The following EP400 variants were observed in gnomAD, a reference collection of about 807,000 sequenced individuals.
The protein encoded by EP400 is E1A-binding protein p400.
In EP400, 105 loss-of-function variants were observed where a neutral mutation model predicts 354.1. That is an observed-to-expected ratio of 0.30 (90% CI 0.25 to 0.35). EP400 has a LOEUF of 0.35. Ranked by LOEUF, EP400 falls within the 10% of genes least tolerant of loss-of-function variation. EP400 has a pLI of 1.00. For missense variants in EP400, 3,280 were observed against 4,121.0 expected, an observed-to-expected ratio of 0.80 and a Z score of 5.59; for synonymous variants, 1,646 against 1,716.9, an observed-to-expected ratio of 0.96 and a Z score of 1.02.
chr12:131,988,621 T>A (rs138346279), intron 7 of EP400, among the ~76,000 whole-genome samples: 1 of 152,108 alleles, frequency 6.6e-6, no homozygotes, highest in African/African-American at 2.4e-5. Context: ...AGGCGCAGAG[T>A]CCTTGGAAGA....
chr12:131,960,501 C>A, intron 1 of EP400, 84 bp from the exon 2 acceptor site: 1 of 1,303,252 alleles, frequency 7.7e-7, no homozygotes, highest in Non-Finnish European at 1.0e-6. Context: ...AATGTACTTT[C>A]AAAGTGTCTT....
Position 132,062,621 on chromosome 12 carries a change from A to G in EP400, c.8254A>G (p.Thr2752Ala), listed in dbSNP as rs200222833. Residue 2752 changes from threonine (T) to alanine (A), a missense_variant, in exon 47 of 53, where the codon ACC becomes GCC. Thr to Ala is a moderately conservative substitution (Grantham distance 58). Around this residue, in one of 20 missense-constraint regions of EP400, gnomAD observed 47 missense variants for 55.6 expected, o/e 0.85. Transcript: ENST00000389561. ...QQQQQQQTTT[T>A]SQVQVPQIQG... ...GCAGCAGCAGCAACAGACGACGACG[A>G]CCTCTCAGGTGCAAGTTCCACAGAT... The G allele has an allele frequency of 1.9e-6, 3 of 1,611,102 alleles. No homozygotes were observed. Among genetic ancestry groups the G allele is most frequent in the East Asian group, 4.5e-5 (2 of 44,824 alleles).
At position 132,011,553 on chromosome 12, in the gene EP400, G is replaced by T. The variant is rs1893765725; in HGVS notation, c.3360G>T (p.Glu1120Asp). The T allele has an allele frequency of 1.9e-6, 3 of 1,614,020 alleles. No homozygotes were observed. The highest frequency in any genetic ancestry group is 2.2e-5 in the South Asian group (2 of 91,062). The change falls in exon 16 of 53, where the codon GAG becomes GAT. Residue 1120 changes from glutamate (E) to aspartate (D), a missense_variant. Transcript: ENST00000389561. The stretch of plus-strand genomic sequence containing the variant: ...GAAGTTGTAACATACTCAAGTGGGA[G>T]CTTGAATTGAAACGTTGGTGTCCCG... ...VVRSCNILKW[E>D]LELKRWCPGL...
In EP400 at chr12:132,053,470, AGCCGCCAGCAGG is replaced by A. The variant is rs1465661026; in HGVS notation, c.7605_7616del (p.Gly2538_Ala2541del). ...CCACAACCACAGGCAGCGGGCAGCC[AGCCGCCAGCAGG>A]GCCACCAGCTGTCCAGCCCCAACCC... On this transcript the variant is annotated inframe_deletion, in exon 43 of 53. Coordinates refer to ENST00000389561, the MANE Select transcript of EP400 (RefSeq NM_015409.5). 2 of 1,445,648 alleles carry A rather than the reference AGCCGCCAGCAGG, an allele frequency of 1.4e-6. No individual in the cohort carries two copies. Among genetic ancestry groups the A allele is most frequent in the South Asian group, 2.4e-5 (2 of 82,650 alleles). 89.6% of individuals were successfully genotyped at this position (1,445,648 alleles called of 1,614,324 possible). A position where few individuals can be genotyped will look rare whatever the true frequency, so the allele number is the denominator to read the frequency against.
rs773491008 is a variant in EP400, at chr12:131,986,629, C to G, written c.2045C>G (p.Pro682Arg). The G allele has an allele frequency of 1.2e-6, 2 of 1,614,110 alleles. 1 individual carries two copies. The highest frequency in any genetic ancestry group is 2.2e-5 in the South Asian group (2 of 91,082). ...AGTGGCTCCGGCCCAGGACCCTCCC[C>G]TGCTCGATCCTCTCCAGTAAATAGA... ...PVSGSGPGPSPARSSPVNRPS... is the reference protein window; with the variant it reads ...PVSGSGPGPSRARSSPVNRPS... The change falls in exon 6 of 53, where the codon CCT (proline) becomes CGT (arginine). Residue 682 changes from proline to arginine, a missense_variant. Coordinates refer to ENST00000389561, the MANE Select transcript of EP400 (RefSeq NM_015409.5).
chr12:132,001,194 G>T (rs1341620432), intron 12 of EP400, among the ~76,000 whole-genome samples: 4 of 152,114 alleles, frequency 2.6e-5, no homozygotes, highest in African/African-American at 9.7e-5. Context: ...GCGGAGACTG[G>T]TAGTGGCCCC....
chr12:132,020,240 G>C lies in EP400; in HGVS notation c.4447+22G>C, dbSNP rs749656776. ...AAAGGTAGACTTCACGTAGTTGTCT[G>C]CTCTCCGCCTTATGGAGGTTTTTGT... is the stretch of plus-strand genomic sequence containing the variant. On this transcript the variant is annotated intron_variant, in intron 22 of 52. Coordinates refer to ENST00000389561, the MANE Select transcript of EP400 (RefSeq NM_015409.5). The C allele has an allele frequency of 3.2e-6, 5 of 1,573,460 alleles. No homozygotes were observed. In the African/African-American group the frequency reaches 6.8e-5, roughly 21 times the overall value.
rs764829052 is a variant in EP400 at position 132,077,447 on chromosome 12, A to G, written c.9146A>G (p.Gln3049Arg). Residue 3049 changes from glutamine (Q) to arginine (R), a missense_variant, in exon 53 of 53, where the codon CAG becomes CGG. Physicochemically the swap from Gln to Arg is conservative, Grantham distance 43. Coordinates refer to ENST00000389561, the MANE Select transcript of EP400 (RefSeq NM_015409.5). ...VALTQATAAGQQVQMIPAVTA... is the reference protein window; with the variant it reads ...VALTQATAAGRQVQMIPAVTA... ...CTCACGCAGGCGACGGCGGCCGGGC[A>G]GCAGGTGCAGATGATCCCTGCAGTG... 2 of 1,613,072 alleles carry G rather than the reference A, an allele frequency of 1.2e-6. No homozygotes were observed. Among genetic ancestry groups the G allele is most frequent in the Non-Finnish European group, 1.7e-6 (2 of 1,179,958 alleles).
At chr12:132,035,314 G>A (rs974754605) in intron 30 of EP400, among the ~76,000 whole-genome samples, 1 of 152,198 alleles carries the variant, frequency 6.6e-6, no homozygotes, top group Non-Finnish European at 1.5e-5. Context: ...GATGTGTGTC[G>A]CAGCTTTGTC....
chr12:131,991,786 C>T (rs1167180735), intron 10 of EP400, among the ~76,000 whole-genome samples: 3 of 151,806 alleles, frequency 2.0e-5, no homozygotes, highest in East Asian at 1.9e-4. Context: ...GGGGTTTCAC[C>T]GTGTTGCCCA....
At position 132,006,195 on chromosome 12, in the gene EP400, G is replaced by A; in HGVS notation, c.3019G>A (p.Ala1007Thr). ...GCTTTTCATCATGGATCAGTTCAAAGCTGCCGAGAGGATGAATATCGGGAA... is the reference window on the plus strand; with the variant it reads ...GCTTTTCATCATGGATCAGTTCAAAACTGCCGAGAGGATGAATATCGGGAA... ...DSLFIMDQFK[A>T]AERMNIGKPN... The change falls in exon 14 of 53, where the codon GCT becomes ACT. Residue 1007 changes from alanine (A) to threonine (T), a missense_variant. By Grantham distance (58) the Ala-to-Thr change is moderately conservative. Coordinates refer to ENST00000389561, the MANE Select transcript of EP400 (RefSeq NM_015409.5). 6.2e-7 allele frequency: 1 copy of A among 1,614,184 alleles called. No homozygotes were observed. Among genetic ancestry groups the A allele is most frequent in the Non-Finnish European group, 8.5e-7 (1 of 1,180,038 alleles).
chr12:132,061,376 C>T (rs753516931), intron 45 of EP400, among the ~76,000 whole-genome samples: 4 of 152,186 alleles, frequency 2.6e-5, no homozygotes, highest in Non-Finnish European at 5.9e-5. Context: ...TGGAGTAACA[C>T]GCTAGATTTC....
At position 131,987,807 on chromosome 12, in the gene EP400, T is replaced by C; in HGVS notation, c.2326T>C (p.Trp776Arg). The change falls in exon 7 of 53, where the codon TGG becomes CGG. Residue 776 changes from tryptophan to arginine, a missense_variant. Physicochemically the swap from Trp to Arg is moderately radical, Grantham distance 101. Transcript: ENST00000389561. ...LQEAPRPKSH[W>R]DYLLEEMQWM... The stretch of plus-strand genomic sequence containing the variant: ...GGAGGCCCCACGCCCCAAGTCCCAC[T>C]GGGACTATCTGCTGGAGGAGATGCA... The C allele has an allele frequency of 1.2e-6, 2 of 1,613,588 alleles. No individual in the cohort carries two copies. The highest frequency in any genetic ancestry group is 1.7e-6 in the Non-Finnish European group (2 of 1,179,918).
At chr12:132,024,685 T>G (rs1894238332) in intron 24 of EP400, among the ~76,000 whole-genome samples, 3 of 144,322 alleles carry the variant, frequency 2.1e-5, no homozygotes, top group African/African-American at 5.1e-5. Context: ...CGCAGCCTCC[T>G]TCCCCCACCT....
chr12:131,950,358 G>A (rs1293211685), intron 1 of EP400, among the ~76,000 whole-genome samples: 1 of 152,124 alleles, frequency 6.6e-6, no homozygotes, highest in Non-Finnish European at 1.5e-5. Flanking sequence ...GGCGTTGCGG[G>A]AACCGGGGGA....
intron 29 of EP400, among the ~76,000 whole-genome samples, chr12:132,030,403 G>A (rs979801304): frequency 2.6e-5 from 4 of 152,190 alleles, no homozygotes; most frequent in African/African-American, 7.2e-5. Context: ...TCATTAAGAC[G>A]ATACTGGCGT....
At chr12:131,952,302 CAAAAAAAAAAA>C (rs927214848) in intron 1 of EP400, among the ~76,000 whole-genome samples, 3 of 47,044 alleles carry the variant, frequency 6.4e-5, no homozygotes, top group African/African-American at 2.0e-4. Flanking sequence ...GACTCTGTCT[CAAAAAAAAAAA>C]AAAAAAAAAA....
intron 13 of EP400, among the ~76,000 whole-genome samples, chr12:132,005,832 A>G (rs573974052): frequency 1.3e-5 from 2 of 152,126 alleles, no homozygotes; most frequent in African/African-American, 4.8e-5. Context: ...CCAGCTCCTA[A>G]TTGCTATGGA....
Position 132,027,555 on chromosome 12 carries a change from C to A in EP400, c.5109+24C>A. 1 of 1,582,664 alleles carries A rather than the reference C, an allele frequency of 6.3e-7. No individual in the cohort carries two copies. The highest frequency in any genetic ancestry group is 8.6e-7 in the Non-Finnish European group (1 of 1,159,774). On this transcript the variant is annotated intron_variant, in intron 26 of 52. Coordinates refer to ENST00000389561, the MANE Select transcript of EP400 (RefSeq NM_015409.5). This position sits in a 1 kb window ranked among gnomAD's most constrained non-coding sequence, Gnocchi z 4.9. ...AGGTAAGCACCTGAGCTTGAGACCCCGGTGCACGTGGACAGGTAGCTTTCC... is the reference window on the plus strand; with the variant it reads ...AGGTAAGCACCTGAGCTTGAGACCCAGGTGCACGTGGACAGGTAGCTTTCC...
Sources: allele counts gnomAD v4.1 joint callset (sites outside exome capture counted in the v4.1 genomes callset), GRCh38; gene constraint gnomAD v4.1.1; regional missense constraint gnomAD v4.1.1; non-coding constraint Gnocchi (gnomAD v3.1); transcripts MANE v1.5; gene names NCBI Gene and HGNC (gene_info 2026-07-23, HGNC 2026-07-21).